The following ZFP91 variants were observed in gnomAD, a reference collection of about 807,000 sequenced individuals.
ZFP91 encodes ZFP91 zinc finger protein, atypical E3 ubiquitin ligase.
ZFP91 carries 7 observed loss-of-function variants against 63.5 expected under a neutral mutation model. The ratio of observed to expected loss-of-function variants is 0.11; its 90% CI spans 0.06 to 0.21. The LOEUF (loss-of-function observed/expected upper bound fraction) is 0.21. ZFP91 is among the 10% of genes least tolerant of loss of function. The probability of loss-of-function intolerance (pLI) is 1.00; values close to 1 mark genes in which losing one functional copy is unlikely to be tolerated. For missense variants in ZFP91, 628 were observed against 736.6 expected (o/e 0.85, Z 1.71); for synonymous variants, 330 against 272.1 (o/e 1.21, Z -2.10).
intron 2 of ZFP91, among the ~76,000 whole-genome samples, chr11:58,586,077 G>A (rs532089656): frequency 6.6e-6 from 1 of 151,894 alleles, no homozygotes; most frequent in South Asian, 2.1e-4. Flanking sequence ...TTAGAAAATA[G>A]GTTATGTCTG....
chr11:58,617,075 T>C lies in ZFP91; in HGVS notation c.1203-121T>C, dbSNP rs898440314. The C allele has an allele frequency of 1.2e-6, 1 of 864,700 alleles. No homozygotes were observed. The highest frequency in any genetic ancestry group is 2.8e-5 in the Admixed American group (1 of 36,166). The allele number at this position is 864,700 out of a possible 1,614,324, so 53.6% of individuals were successfully genotyped here. On this transcript the variant is annotated intron_variant, in intron 10 of 10. Transcript: ENST00000316059. The surrounding 1 kb of genome is among the most constrained non-coding windows in gnomAD (Gnocchi z 4.2). ...AAGAAGTATGTTACTGATTATTGTG[T>C]GTGTGTGTGTGTGTGTGTGTGTGTA...
At position 58,616,835 on chromosome 11, in the gene ZFP91, G is replaced by C. The variant is rs200908575; in HGVS notation, c.1202+20G>C. On this transcript the variant is annotated intron_variant, in intron 10 of 10. Transcript: ENST00000316059. ...ATTACAGTGAGTATTATTTACTGGT[G>C]AACATCTGGGTGAGAAGGATATATG... is the stretch of plus-strand genomic sequence containing the variant. 209 of 1,605,130 alleles carry C rather than the reference G, an allele frequency of 1.3e-4. No homozygotes were observed. In the African/African-American group the frequency reaches 2.1e-3, roughly 16 times the overall value.
chr11:58,604,958 A>C (rs1855548216), intron 2 of ZFP91, among the ~76,000 whole-genome samples: 1 of 152,338 alleles, frequency 6.6e-6, no homozygotes, highest in Admixed American at 6.5e-5. Flanking sequence ...TAAACTACCG[A>C]TAAGAATGGC....
intron 2 of ZFP91, among the ~76,000 whole-genome samples, chr11:58,607,228 T>G (rs1855582886): frequency 6.6e-6 from 1 of 152,186 alleles, no homozygotes; most frequent in African/African-American, 2.4e-5. Flanking sequence ...TAATACTTCA[T>G]AGGTGGTGTT....
Position 58,617,098 on chromosome 11 carries a change from G to GTGTGTGTGTGTA in ZFP91, c.1203-97_1203-96insGTGTGTGTGTAT. On this transcript the variant is annotated intron_variant, in intron 10 of 10. Coordinates refer to ENST00000316059, the MANE Select transcript of ZFP91 (RefSeq NM_053023.5). The surrounding 1 kb of genome is among the most constrained non-coding windows in gnomAD (Gnocchi z 4.2). ...TGTGTGTGTGTGTGTGTGTGTGTGTGTATGTATATATATGCTCTAAACTCT... is the reference window on the plus strand; with the variant it reads ...TGTGTGTGTGTGTGTGTGTGTGTGTGTGTGTGTGTGTATATGTATATATATGCTCTAAACTCT... 1 of 987,402 alleles carries GTGTGTGTGTGTA rather than the reference G, an allele frequency of 1.0e-6. No individual in the cohort carries two copies. Among genetic ancestry groups the GTGTGTGTGTGTA allele is most frequent in the Non-Finnish European group, 1.5e-6 (1 of 678,642 alleles). The allele number at this position is 987,402 out of a possible 1,614,324, so 61.2% of individuals were successfully genotyped here. A position where few individuals can be genotyped will look rare whatever the true frequency, so the allele number is the denominator to read the frequency against.
chr11:58,604,911 T>C (rs551662574), intron 2 of ZFP91, among the ~76,000 whole-genome samples: 8 of 152,342 alleles, frequency 5.3e-5, no homozygotes, highest in South Asian at 2.1e-4. Context: ...TCCATTCTGC[T>C]AATATGTACC....
At chr11:58,582,022 T>G (rs1485192237) in intron 1 of ZFP91, among the ~76,000 whole-genome samples, 2 of 152,238 alleles carry the variant, frequency 1.3e-5, no homozygotes, top group African/African-American at 2.4e-5. Context: ...AGAGTTTTTG[T>G]TACACATTTT....
chr11:58,588,559 C>T (rs1162429736), intron 2 of ZFP91, among the ~76,000 whole-genome samples: 3 of 152,046 alleles, frequency 2.0e-5, no homozygotes, highest in Admixed American at 1.3e-4. Flanking sequence ...TCATAGATTT[C>T]AACAGTTTTA....
At chr11:58,608,183 A>G (rs1209502730) in intron 2 of ZFP91, among the ~76,000 whole-genome samples, 1 of 151,812 alleles carries the variant, frequency 6.6e-6, no homozygotes, top group Non-Finnish European at 1.5e-5. Context: ...CATAAGTTAT[A>G]TATTTGTGTG....
In ZFP91 at chr11:58,579,230, C is replaced by T; in HGVS notation, c.-52C>T. 7.4e-7 allele frequency: 1 copy of T among 1,343,270 alleles called. No homozygotes were observed. Among genetic ancestry groups the T allele is most frequent in the Non-Finnish European group, 9.5e-7 (1 of 1,048,278 alleles). The allele number at this position is 1,343,270 out of a possible 1,614,324, so 83.2% of individuals were successfully genotyped here. A position where few individuals can be genotyped will look rare whatever the true frequency, so the allele number is the denominator to read the frequency against. On this transcript the variant is annotated 5_prime_UTR_variant, in exon 1 of 11. Transcript: ENST00000316059. ...GCGGGGGGAGCAGCGCCGAGGCCGCCGCCTCCGCCTCCGCCGCCTAGGACT... is the reference window on the plus strand; with the variant it reads ...GCGGGGGGAGCAGCGCCGAGGCCGCTGCCTCCGCCTCCGCCGCCTAGGACT...
intron 2 of ZFP91, among the ~76,000 whole-genome samples, chr11:58,594,469 CAA>C (rs1855362849): frequency 6.6e-6 from 1 of 152,168 alleles, no homozygotes; most frequent in African/African-American, 2.4e-5. Context: ...TATGTCTGAG[CAA>C]AGTCTTAATG....
At chr11:58,595,923 T>C (rs1855390898) in intron 2 of ZFP91, among the ~76,000 whole-genome samples, 1 of 152,092 alleles carries the variant, frequency 6.6e-6, no homozygotes, top group Admixed American at 6.6e-5. Context: ...CCACTCTTAC[T>C]TCATACCTTC....
At chr11:58,589,055 CAGAT>C (rs1188431226) in intron 2 of ZFP91, among the ~76,000 whole-genome samples, 1 of 152,126 alleles carries the variant, frequency 6.6e-6, no homozygotes, top group African/African-American at 2.4e-5. Context: ...TCTTAACACT[CAGAT>C]AGGCTTTTAA....
rs375088248 is a variant in ZFP91 at position 58,600,079 on chromosome 11, A to G, written c.371-9751A>G. Among the ~76,000 whole-genome samples, 31 of 152,238 alleles carry G rather than the reference A, an allele frequency of 2.0e-4. No individual in the cohort carries two copies. The East Asian group carries it at 3.7e-3, about 18-fold the overall frequency. ...TTTATGCCGGTAATACATTGTATTG[A>G]TTACTGAAGCTTTATAGTAAGTGTT... is the stretch of plus-strand genomic sequence containing the variant. On this transcript the variant is annotated intron_variant, in intron 2 of 10. Transcript: ENST00000316059.
At chr11:58,579,644 G>A (rs750911541) in intron 1 of ZFP91, 22 bp downstream of exon 1, 1 of 1,529,438 alleles carries the variant, frequency 6.5e-7, no homozygotes, top group Non-Finnish European at 8.7e-7. Context: ...TCTTTCAGGC[G>A]GTGGGAAAGA....
intron 1 of ZFP91, among the ~76,000 whole-genome samples, chr11:58,584,033 C>T (rs1213353065): frequency 2.0e-5 from 3 of 152,020 alleles, no homozygotes; most frequent in Admixed American, 6.5e-5. Context: ...GTTCATTATA[C>T]TGTCCTCACC....
rs769804542 is a variant in ZFP91 at position 58,579,559 on chromosome 11, G to C, written c.278G>C (p.Gly93Ala). ...SPSARPPDVP[G>A]QQPQAAKSPS... ...AGCGCCAGGCCTCCCGACGTCCCCG[G>C]GCAGCAGCCCCAGGCCGCGAAGTCC... Residue 93 changes from glycine to alanine, a missense_variant, in exon 1 of 11, where the codon GGG becomes GCG. Gly to Ala is a moderately conservative substitution (Grantham distance 60). Transcript: ENST00000316059. 6.3e-6 allele frequency: 10 copies of C among 1,584,650 alleles called. No homozygotes were observed. In the Admixed American group the frequency reaches 1.1e-4, roughly 17 times the overall value.
At chr11:58,589,031 G>A (rs187896433) in intron 2 of ZFP91, among the ~76,000 whole-genome samples, 73 of 152,266 alleles carry the variant, frequency 4.8e-4, no homozygotes, top group African/African-American at 1.7e-3. Flanking sequence ...GAGAAAGGGC[G>A]TGTATAAGCC....
chr11:58,603,803 T>C (rs931272375), intron 2 of ZFP91, among the ~76,000 whole-genome samples: 2 of 152,140 alleles, frequency 1.3e-5, no homozygotes, highest in African/African-American at 2.4e-5. Context: ...TGACCCTTTT[T>C]CCCCCCTTCT....
Sources: gnomAD v4.1 joint callset for allele counts (sites outside exome capture counted in the v4.1 genomes callset) on GRCh38, gnomAD v4.1.1 for gene constraint, Gnocchi (gnomAD v3.1) non-coding constraint, MANE v1.5 for transcripts, NCBI Gene and HGNC (gene_info 2026-07-23, HGNC 2026-07-21) for gene names.